STEAP3: variants seen among roughly 807,000 people sequenced by gnomAD.
STEAP3 encodes metalloreductase STEAP3.
In STEAP3, 35 loss-of-function variants were observed where a neutral mutation model predicts 34.9. That is an observed-to-expected ratio of 1.00 (90% CI 0.76 to 1.33). STEAP3 has a LOEUF of 1.33. Ranked by LOEUF, STEAP3 falls within the 40% of genes most tolerant of loss-of-function variation. The pLI, the probability that STEAP3 is intolerant of heterozygous loss-of-function variation, is 0.00. For synonymous variants in STEAP3, 281 were observed against 301.6 expected (o/e 0.93, Z 0.71); for missense variants, 652 against 667.6 (o/e 0.98, Z 0.26).
intron 3 of STEAP3, chr2:119,246,269 G>T (rs1677424119): frequency 2.4e-6 from 1 of 410,542 alleles, no homozygotes; most frequent in South Asian, 3.4e-5. Flanking sequence ...AGGAGGAAAA[G>T]GTTGATGGCT....
chr2:119,229,925 C>T (rs1360533878), intron 1 of STEAP3, among the ~76,000 whole-genome samples: 2 of 152,100 alleles, frequency 1.3e-5, no homozygotes, highest in Non-Finnish European at 2.9e-5. Context: ...GGGGCTTTCA[C>T]TCCAGTAGAA....
intron 1 of STEAP3, among the ~76,000 whole-genome samples, chr2:119,227,546 A>G (rs1177349735): frequency 6.6e-6 from 1 of 152,138 alleles, no homozygotes; most frequent in African/African-American, 2.4e-5. Context: ...GCTGTGACTT[A>G]CTCCATCTCT....
chr2:119,241,187 G>A (rs1244382666), intron 2 of STEAP3, among the ~76,000 whole-genome samples: 1 of 152,036 alleles, frequency 6.6e-6, no homozygotes, highest in Non-Finnish European at 1.5e-5. Context: ...TCTTTAGAGA[G>A]GTATAATTAG....
At chr2:119,227,773 T>C (rs865814017) in intron 1 of STEAP3, among the ~76,000 whole-genome samples, 1 of 152,144 alleles carries the variant, frequency 6.6e-6, no homozygotes, top group Non-Finnish European at 1.5e-5. Context: ...AAAGCCAGCA[T>C]GCTGGGGTCT....
chr2:119,231,017 C>A lies in STEAP3; in HGVS notation c.5C>A (p.Ser2Ter), dbSNP rs773468511. M[S>*]HQPAVATKMP... is the part of the protein sequence containing the mutation. ...TCAGACCCTCACGTCAGCCGGATGTCGCACCAGCCTGCTGTTGGTAAGTCT... is the reference window on the plus strand; with the variant it reads ...TCAGACCCTCACGTCAGCCGGATGTAGCACCAGCCTGCTGTTGGTAAGTCT... The change falls in exon 2 of 6, where the codon TCG becomes TAG. Residue 2 changes from serine (S) to a stop codon, truncating the protein, a stop_gained. Transcript: ENST00000393110. LOFTEE classifies it high-confidence loss of function. 6.2e-7 allele frequency: 1 copy of A among 1,614,224 alleles called. No individual in the cohort carries two copies. Among genetic ancestry groups the A allele is most frequent in the Middle Eastern group, 1.6e-4 (1 of 6,062 alleles).
At chr2:119,242,713 C>T (rs550296696) in intron 2 of STEAP3, among the ~76,000 whole-genome samples, 1 of 152,352 alleles carries the variant, frequency 6.6e-6, no homozygotes, top group East Asian at 1.9e-4. Flanking sequence ...GACTTATTTA[C>T]TCCTACAACC....
At chr2:119,250,634 G>A (rs541509270) in intron 4 of STEAP3, among the ~76,000 whole-genome samples, 190 of 152,210 alleles carry the variant, frequency 1.2e-3, no homozygotes, top group African/African-American at 3.7e-3. Flanking sequence ...TGGGAAAGAC[G>A]GGGACGGTGC....
At chr2:119,237,669 C>T (rs1677130499) in intron 2 of STEAP3, among the ~76,000 whole-genome samples, 1 of 152,224 alleles carries the variant, frequency 6.6e-6, no homozygotes, top group Non-Finnish European at 1.5e-5. Flanking sequence ...AACATGTTTA[C>T]TCTTGGTTTA....
chr2:119,228,304 G>A lies in STEAP3; in HGVS notation c.-393-2316G>A, dbSNP rs189751163. 7.9e-5 allele frequency among the ~76,000 whole-genome samples: 12 copies of A among 152,306 alleles called. No individual in the cohort carries two copies. The East Asian group carries it at 2.3e-3, about 29-fold the overall frequency. ...AGAGGATACAGTGGCTGTGAGCTGG[G>A]CCCTCCAGGTGAGGTCTGGCCTGCC... On this transcript the variant is annotated intron_variant, in intron 1 of 5. Coordinates refer to ENST00000393110, the MANE Select transcript of STEAP3 (RefSeq NM_182915.3).
intron 5 of STEAP3, 127 bp from the exon 6 acceptor site, chr2:119,262,930 C>T: frequency 1.5e-6 from 2 of 1,298,404 alleles, no homozygotes; most frequent in Admixed American, 1.9e-5. Flanking sequence ...ACTGGGGTTC[C>T]AACCCATAGC....
intron 3 of STEAP3, among the ~76,000 whole-genome samples, chr2:119,247,198 G>C (rs1184695169): frequency 6.6e-6 from 1 of 152,150 alleles, no homozygotes; most frequent in African/African-American, 2.4e-5. Context: ...TGCTGGCTGA[G>C]GGCTCTACTG....
In STEAP3 at chr2:119,263,443, TA is replaced by T. The variant is rs1337391593; in HGVS notation, c.*106del. The T allele has an allele frequency of 2.7e-6, 4 of 1,506,978 alleles. No homozygotes were observed. Among genetic ancestry groups the T allele is most frequent in the Non-Finnish European group, 3.6e-6 (4 of 1,118,006 alleles). 93.4% of individuals were successfully genotyped at this position (1,506,978 alleles called of 1,614,324 possible). ...GCAAAGTGGTATAACTGTGTGCAAA[TA>T]GGAGGTTTGAGGTCCAAATTCCTGG... On this transcript the variant is annotated 3_prime_UTR_variant, in exon 6 of 6. Coordinates refer to ENST00000393110, the MANE Select transcript of STEAP3 (RefSeq NM_182915.3).
chr2:119,230,397 A>G (rs1473133458), intron 1 of STEAP3, among the ~76,000 whole-genome samples: 2 of 152,010 alleles, frequency 1.3e-5, no homozygotes, highest in Non-Finnish European at 2.9e-5. Flanking sequence ...CCCCACTGTG[A>G]GCACTGACAA....
chr2:119,261,847 C>G (rs181206727), intron 5 of STEAP3, among the ~76,000 whole-genome samples: 4 of 152,192 alleles, frequency 2.6e-5, no homozygotes, highest in African/African-American at 7.2e-5. Flanking sequence ...CAGCCACTCT[C>G]GGCTGGAAGT....
intron 4 of STEAP3, 67 bp downstream of exon 4, chr2:119,248,273 C>A (rs866643906): frequency 2.9e-5 from 41 of 1,406,218 alleles, no homozygotes; most frequent in South Asian, 6.9e-5. Context: ...CTCCCCCCCC[C>A]ACCAACCAGG....
chr2:119,247,815 C>G lies in STEAP3; in HGVS notation c.659C>G (p.Pro220Arg), dbSNP rs376309834. The change falls in exon 4 of 6, where the codon CCG (proline) becomes CGG (arginine). Residue 220 changes from proline (P) to arginine (R), a missense_variant. Physicochemically the swap from Pro to Arg is moderately radical, Grantham distance 103 (BLOSUM62 -2). Coordinates refer to ENST00000393110, the MANE Select transcript of STEAP3 (RefSeq NM_182915.3). ...GAGGCCATGCCCCTGCGCCTCCTCC[C>G]GGCCTGGAAGGTGCCCACCCTGCTG... ...EVEAMPLRLL[P>R]AWKVPTLLAL... The G allele has an allele frequency of 5.0e-6, 8 of 1,612,282 alleles. 1 individual carries two copies. The South Asian group carries it at 8.8e-5, about 18-fold the overall frequency.
chr2:119,263,299 C>T lies in STEAP3; in HGVS notation c.1458C>T (p.Pro486=). The T allele has an allele frequency of 1.2e-6, 2 of 1,613,876 alleles. No individual in the cohort carries two copies. The highest frequency in any genetic ancestry group is 1.1e-5 in the South Asian group (1 of 91,036). The change falls in exon 6 of 6, where the codon CCC becomes CCT. Residue 486 remains proline (P), a synonymous_variant. Coordinates refer to ENST00000393110, the MANE Select transcript of STEAP3 (RefSeq NM_182915.3). ...AGAGCACCATCAAGTTCACGCTGCC[C>T]ACAGACCACGCCCTGGCCGAGAAGA... ...ERESTIKFTL[P]TDHALAEKTS...
At position 119,230,956 on chromosome 2, in the gene STEAP3, C is replaced by T. The variant is rs371044561; in HGVS notation, c.-57C>T. 6.2e-7 allele frequency: 1 copy of T among 1,612,894 alleles called. No homozygotes were observed. The highest frequency in any genetic ancestry group is 2.2e-5 in the East Asian group (1 of 44,874). On this transcript the variant is annotated 5_prime_UTR_variant, in exon 2 of 6. Transcript: ENST00000393110. The stretch of plus-strand genomic sequence containing the variant: ...GGAGACTGAGCCAGAAAGGGTGGCT[C>T]ACCTCACGGTGAGGCTGTCGAGTGA...
At position 119,245,887 on chromosome 2, in the gene STEAP3, G is replaced by A. The variant is rs181208641; in HGVS notation, c.421G>A (p.Glu141Lys). 3.5e-4 allele frequency: 560 copies of A among 1,614,068 alleles called. 1 individual carries two copies. The highest frequency in any genetic ancestry group is 4.3e-4 in the Non-Finnish European group (506 of 1,180,038). ...EHLQHRESNA[E>K]YLASLFPTCT... is the part of the protein sequence containing the mutation. Reference sequence around the variant, plus strand: ...CCTTCAGCATCGTGAGTCCAATGCTGAGTACCTGGCCTCCCTCTTCCCCAC... The same window carrying A: ...CCTTCAGCATCGTGAGTCCAATGCTAAGTACCTGGCCTCCCTCTTCCCCAC... The change falls in exon 3 of 6, where the codon GAG becomes AAG. Residue 141 changes from glutamate (E) to lysine (K), a missense_variant. By Grantham distance (56) the Glu-to-Lys change is moderately conservative (BLOSUM62 1). Transcript: ENST00000393110.
Sources: gnomAD v4.1 joint callset for allele counts (sites outside exome capture counted in the v4.1 genomes callset) on GRCh38, gnomAD v4.1.1 for gene constraint, MANE v1.5 for transcripts, NCBI Gene and HGNC (gene_info 2026-07-23, HGNC 2026-07-21) for gene names.